Variants in CD8B observed in about 807,000 individuals in gnomAD.
CD8B encodes CD8 subunit beta.
In CD8B, 6 loss-of-function variants were observed where a neutral mutation model predicts 24.2. The ratio of observed to expected loss-of-function variants is 0.25; its 90% CI spans 0.14 to 0.49. The LOEUF is 0.49. Among genes scored for constraint, CD8B ranks in the 20% least tolerant of loss-of-function variants. CD8B has a pLI of 0.98. For missense variants in CD8B, 196 were observed against 271.3 expected, an observed-to-expected ratio of 0.72 and a Z score of 1.95; for synonymous variants, 84 against 108.3, an observed-to-expected ratio of 0.78 and a Z score of 1.39.
chr2:86,851,048 G>A (rs1372488342), intron 3 of CD8B, among the ~76,000 whole-genome samples: 2 of 148,762 alleles, frequency 1.3e-5, no homozygotes, highest in Admixed American at 6.8e-5. Context: ...CTGAGATCAC[G>A]CCACTGCACT....
At chr2:86,829,384 C>T (rs1007965331) in intron 5 of CD8B, among the ~76,000 whole-genome samples, 4 of 151,892 alleles carry the variant, frequency 2.6e-5, no homozygotes, top group African/African-American at 9.7e-5. Context: ...GAATTACAGG[C>T]GTGAGCCACC....
intron 1 of CD8B, among the ~76,000 whole-genome samples, chr2:86,859,716 G>A (rs1021261407): frequency 2.0e-5 from 3 of 150,664 alleles, no homozygotes; most frequent in African/African-American, 4.9e-5. Flanking sequence ...GGAGCAAAGG[G>A]AGACATTGCA....
exon 6 of CD8B, chr2:86,815,573 TA>T: frequency 8.0e-7 from 1 of 1,254,124 alleles, no homozygotes; most frequent in Non-Finnish European, 1.2e-6. Flanking sequence ...GTAAAAGTAG[TA>T]AAGATCCACT....
chr2:86,828,625 T>G (rs1484693246), intron 5 of CD8B, among the ~76,000 whole-genome samples: 1 of 152,172 alleles, frequency 6.6e-6, no homozygotes, highest in African/African-American at 2.4e-5. Context: ...TGAAGTTCTG[T>G]GCAAGTAGGT....
downstream of CD8B, among the ~76,000 whole-genome samples, chr2:86,833,593 T>G (rs1421785148): frequency 1.1e-5 from 1 of 87,764 alleles, no homozygotes. Flanking sequence ...TCTCTCACCC[T>G]TTCCCCTCCG....
intron 5 of CD8B, among the ~76,000 whole-genome samples, chr2:86,817,668 A>G (rs1464776918): frequency 6.6e-6 from 1 of 152,212 alleles, no homozygotes; most frequent in African/African-American, 2.4e-5. Context: ...CACAAATTTC[A>G]AGATAGGGTA....
chr2:86,857,365 C>T (rs1676318146), intron 2 of CD8B, among the ~76,000 whole-genome samples: 1 of 152,200 alleles, frequency 6.6e-6, no homozygotes, highest in Non-Finnish European at 1.5e-5. Flanking sequence ...CCCAATCCAG[C>T]CGTAGCTTTG....
intron 2 of CD8B, among the ~76,000 whole-genome samples, chr2:86,857,392 CCTGAAGGA>C (rs1676319481): frequency 6.6e-6 from 1 of 152,162 alleles, no homozygotes; most frequent in South Asian, 2.1e-4. Context: ...CCTGATGTGG[CCTGAAGGA>C]CAGCACTGCC....
chr2:86,837,527 C>G (rs1280645599), downstream of CD8B, among the ~76,000 whole-genome samples: 10 of 152,072 alleles, frequency 6.6e-5, no homozygotes, highest in African/African-American at 2.4e-4. Context: ...GAGGAAATAT[C>G]TTTTGGAAGG....
chr2:86,855,465 A>G (rs1368676419), intron 2 of CD8B, among the ~76,000 whole-genome samples: 1 of 152,210 alleles, frequency 6.6e-6, no homozygotes, highest in African/African-American at 2.4e-5. Context: ...AATGTGTCCA[A>G]AGTTAGACAG....
rs575102017 is a variant in CD8B, at chr2:86,840,619, GCT to G, written c.*1686_*1687del. 2.7e-3 allele frequency among the ~76,000 whole-genome samples: 410 copies of G among 152,332 alleles called. 1 individual carries two copies. Among genetic ancestry groups the G allele is most frequent in the African/African-American group, 9.3e-3 (385 of 41,582 alleles). ...GAAAACTTTGCAATTGGGCCCATGG[GCT>G]ATCTGCTTAGGGTCCACTCCTACCA... On this transcript the variant is annotated 3_prime_UTR_variant, in exon 6 of 6. Transcript: ENST00000390655.
At chr2:86,836,167 A>T (rs1675170052), downstream of CD8B, among the ~76,000 whole-genome samples, 2 of 152,008 alleles carry the variant, frequency 1.3e-5, no homozygotes, top group Admixed American at 1.3e-4. Flanking sequence ...TGGGAGGGGC[A>T]GTGGAGAGGG....
intron 2 of CD8B, among the ~76,000 whole-genome samples, chr2:86,855,140 G>A (rs911941660): frequency 6.6e-6 from 1 of 152,032 alleles, no homozygotes; most frequent in South Asian, 2.1e-4. Context: ...GTTTTGGGGG[G>A]TTGTAAGGGG....
At chr2:86,830,220 G>T (rs1429274327) in intron 5 of CD8B, among the ~76,000 whole-genome samples, 1 of 151,992 alleles carries the variant, frequency 6.6e-6, no homozygotes, top group Non-Finnish European at 1.5e-5. Context: ...TGAGCCACAG[G>T]TCCCAGCCAG....
downstream of CD8B, among the ~76,000 whole-genome samples, chr2:86,834,141 C>T (rs967513012): frequency 1.3e-5 from 2 of 152,044 alleles, no homozygotes; most frequent in African/African-American, 4.8e-5. Context: ...TTCCCGGGGA[C>T]CCATTCCCAG....
rs905956858 is a variant in CD8B at position 86,839,165 on chromosome 2, TAC to T, written c.*3140_*3141del. 5.4e-4 allele frequency among the ~76,000 whole-genome samples: 82 copies of T among 152,356 alleles called. No homozygotes were observed. Among genetic ancestry groups the T allele is most frequent in the African/African-American group, 1.8e-3 (76 of 41,598 alleles). ...CATATATTGTATTAAGAATAATCTA[TAC>T]AGATGTTTTAAAAATATATGCATTT... On this transcript the variant is annotated 3_prime_UTR_variant, in exon 6 of 6. Transcript: ENST00000390655.
intron 3 of CD8B, among the ~76,000 whole-genome samples, chr2:86,848,701 A>ATTAATTATTTATATATTTAT (rs58311096): frequency 1.0e-4 from 6 of 58,882 alleles, no homozygotes; most frequent in Non-Finnish European, 1.8e-4. Flanking sequence ...GTATTTTTAA[A>ATTAATTATTTATATATTTAT]TTATTTATTT....
intron 3 of CD8B, among the ~76,000 whole-genome samples, chr2:86,848,690 G>A (rs1675809400): frequency 2.2e-5 from 1 of 45,386 alleles, no homozygotes; most frequent in Non-Finnish European, 4.2e-5. Flanking sequence ...GAAAGGTATT[G>A]GTATTTTTAA....
At chr2:86,849,129 G>A (rs1675846005) in intron 3 of CD8B, among the ~76,000 whole-genome samples, 1 of 152,396 alleles carries the variant, frequency 6.6e-6, no homozygotes, top group African/African-American at 2.4e-5. Context: ...GGACCAGGGT[G>A]TGGACACAGA....
Sources: gnomAD v4.1 joint callset for allele counts (sites outside exome capture counted in the v4.1 genomes callset) on GRCh38, gnomAD v4.1.1 for gene constraint, MANE v1.5 for transcripts, NCBI Gene and HGNC (gene_info 2026-07-23, HGNC 2026-07-21) for gene names.